ACACA: variants seen among roughly 807,000 people sequenced by gnomAD.
ACACA encodes acetyl-CoA carboxylase 1.
ACACA carries 103 observed loss-of-function variants against 296.1 expected under a neutral mutation model. The observed-to-expected ratio is 0.35, with a 90% CI of 0.30 to 0.41. ACACA has a LOEUF of 0.41. ACACA is among the 10% of genes least tolerant of loss of function. ACACA has a pLI of 1.00. For missense variants in ACACA, 1,554 were observed against 2,989.7 expected (o/e 0.52, Z 11.20); for synonymous variants, 953 against 1,038.6 (o/e 0.92, Z 1.58).
At chr17:37,106,329 G>A (rs1176420554) in intron 52 of ACACA, among the ~76,000 whole-genome samples, 1 of 152,090 alleles carries the variant, frequency 6.6e-6, no homozygotes, top group African/African-American at 2.4e-5. Flanking sequence ...CTTTTGTAAT[G>A]GGAATAATTT....
rs2079307133 is a variant in ACACA, at chr17:37,221,804, G to A, written c.3603C>T (p.Asn1201=). 1 of 1,614,104 alleles carries A rather than the reference G, an allele frequency of 6.2e-7. No homozygotes were observed. Among genetic ancestry groups the A allele is most frequent in the Non-Finnish European group, 8.5e-7 (1 of 1,179,978 alleles). ...CCTTAAGCTGGCGGTGTTGTACGCT[G>A]TTAAGTTCATAGGCAATATAAGCCC... ...VRRAYIAYEL[N]SVQHRQLKDN... The change falls in exon 29 of 56, where the codon AAC becomes AAT. Residue 1201 remains asparagine, a synonymous_variant. Transcript: ENST00000616317.
At chr17:37,376,189 A>G in intron 1 of ACACA, 1 of 1,543,106 alleles carries the variant, frequency 6.5e-7, no homozygotes, top group Non-Finnish European at 9.0e-7. Context: ...GAAAATACAG[A>G]GAGAGGCCTA....
intron 1 of ACACA, among the ~76,000 whole-genome samples, chr17:37,346,055 G>A (rs2048598678): frequency 6.6e-6 from 1 of 152,038 alleles, no homozygotes; most frequent in Non-Finnish European, 1.5e-5. Flanking sequence ...TCTGGCCTGG[G>A]CGACAGAGAG....
Position 37,113,228 on chromosome 17 carries a change from A to G in ACACA, c.6312T>C (p.Ile2104=), listed in dbSNP as rs1045085239. Reference sequence around the variant, plus strand: ...GGCAGCACTCCCTCAAGCCATCCACAATGTAAGCACCAAACTTCAGCACTT... The same window carrying G: ...GGCAGCACTCCCTCAAGCCATCCACGATGTAAGCACCAAACTTCAGCACTT... ...YDQVLKFGAY[I]VDGLRECCQP... is the part of the protein sequence containing the mutation. Residue 2104 remains isoleucine, a synonymous_variant, in exon 51 of 56, where the codon ATT becomes ATC. Coordinates refer to ENST00000616317, the MANE Select transcript of ACACA (RefSeq NM_198834.3). The surrounding 1 kb of genome is among the most constrained non-coding windows in gnomAD (Gnocchi z 4.0). 1 of 1,614,228 alleles carries G rather than the reference A, an allele frequency of 6.2e-7. No individual in the cohort carries two copies. Among genetic ancestry groups the G allele is most frequent in the Non-Finnish European group, 8.5e-7 (1 of 1,180,036 alleles).
intron 45 of ACACA, chr17:37,140,608 C>G (rs2075529782): frequency 1.2e-5 from 2 of 162,134 alleles, no homozygotes. Flanking sequence ...TGTAAAAACT[C>G]TGTGTTGTAG....
At chr17:37,390,322 A>ATATATATATATATATATC (rs1568096417) in intron 1 of ACACA, among the ~76,000 whole-genome samples, 1 of 38,086 alleles carries the variant, frequency 2.6e-5, no homozygotes, top group African/African-American at 1.2e-4. Context: ...ATATATATAT[A>ATATATATATATATATATC]TATATATATA....
At chr17:37,276,927 G>C in intron 7 of ACACA, 106 bp downstream of exon 7, 1 of 947,106 alleles carries the variant, frequency 1.1e-6, no homozygotes, top group Non-Finnish European at 1.7e-6. Context: ...AAAAAAGAGA[G>C]AGAGAGCCCA....
At chr17:37,397,224 T>C (rs1475872155) in intron 1 of ACACA, among the ~76,000 whole-genome samples, 1 of 152,200 alleles carries the variant, frequency 6.6e-6, no homozygotes, top group East Asian at 1.9e-4. Flanking sequence ...ACTCATCCTT[T>C]CTTATGGCTG....
intron 14 of ACACA, among the ~76,000 whole-genome samples, chr17:37,257,088 C>T (rs7211788): frequency 0.48 from 72,359 of 151,968 alleles, 19,287 homozygotes; most frequent in East Asian, 0.75. Flanking sequence ...TTATGATTAA[C>T]AGAATATTAT....
chr17:37,093,657 C>T (rs546655148), intron 54 of ACACA, among the ~76,000 whole-genome samples: 1 of 152,164 alleles, frequency 6.6e-6, no homozygotes, highest in South Asian at 2.1e-4. Context: ...GCCACGACAC[C>T]GAGCAAATTT....
intron 9 of ACACA, among the ~76,000 whole-genome samples, chr17:37,272,956 T>A (rs1324364859): frequency 6.6e-6 from 1 of 152,164 alleles, no homozygotes; most frequent in Non-Finnish European, 1.5e-5. Flanking sequence ...TTTCAAATTT[T>A]CTACCAGAAA....
chr17:37,346,305 A>C (rs562284716), intron 1 of ACACA, among the ~76,000 whole-genome samples: 1 of 142,166 alleles, frequency 7.0e-6, no homozygotes, highest in South Asian at 2.2e-4. Context: ...CAACAGAGCA[A>C]GACTCTCTCT....
intron 3 of ACACA, chr17:37,289,577 T>G: frequency 8.8e-7 from 1 of 1,132,604 alleles, no homozygotes; most frequent in Non-Finnish European, 1.2e-6. Flanking sequence ...ACTGATCTTC[T>G]TAGGAACTTC....
intron 1 of ACACA, among the ~76,000 whole-genome samples, chr17:37,361,586 A>T (rs1396824890): frequency 6.6e-6 from 1 of 152,220 alleles, no homozygotes; most frequent in East Asian, 1.9e-4. Flanking sequence ...CTTACAGAGG[A>T]TCTAATAATC....
At chr17:37,108,617 A>G (rs2073821578) in intron 52 of ACACA, among the ~76,000 whole-genome samples, 1 of 152,012 alleles carries the variant, frequency 6.6e-6, no homozygotes, top group Admixed American at 6.6e-5. Context: ...TGAACTCCCA[A>G]CCTCAGGTGA....
At chr17:37,384,580 T>A (rs1338518513) in intron 1 of ACACA, among the ~76,000 whole-genome samples, 2 of 152,142 alleles carry the variant, frequency 1.3e-5, no homozygotes, top group Non-Finnish European at 2.9e-5. Flanking sequence ...AAAACACAGA[T>A]AACTTGTGGT....
chr17:37,204,225 T>C lies in ACACA; in HGVS notation c.4056+1540A>G, dbSNP rs9910098. Among the ~76,000 whole-genome samples the C allele has an allele frequency of 9.8e-3, 1,488 of 152,314 alleles. 23 individuals carry two copies. The highest frequency in any genetic ancestry group is 0.034 in the African/African-American group (1,416 of 41,550). On this transcript the variant is annotated intron_variant, in intron 33 of 55. Coordinates refer to ENST00000616317, the MANE Select transcript of ACACA (RefSeq NM_198834.3). ...AGAGGACACTTTGCTATCTATCACATATCATAATGAAATATAACTGTAGAT... is the reference window on the plus strand; with the variant it reads ...AGAGGACACTTTGCTATCTATCACACATCATAATGAAATATAACTGTAGAT...
intron 25 of ACACA, among the ~76,000 whole-genome samples, chr17:37,233,513 C>T (rs1398711633): frequency 1.3e-5 from 2 of 152,138 alleles, no homozygotes; most frequent in Non-Finnish European, 2.9e-5. Context: ...CTGTTAAGTT[C>T]TTAAAAACGT....
intron 2 of ACACA, among the ~76,000 whole-genome samples, chr17:37,332,630 G>C (rs1201023255): frequency 6.7e-6 from 1 of 150,220 alleles, no homozygotes; most frequent in Non-Finnish European, 1.5e-5. Context: ...AAAAAGATTG[G>C]CCGGACGCGG....
Sources: allele counts gnomAD v4.1 joint callset (sites outside exome capture counted in the v4.1 genomes callset), GRCh38; gene constraint gnomAD v4.1.1; non-coding constraint Gnocchi (gnomAD v3.1); transcripts MANE v1.5; gene names NCBI Gene and HGNC (gene_info 2026-07-23, HGNC 2026-07-21).